The following HOOK3 variants were observed in gnomAD, a reference collection of about 807,000 sequenced individuals.
HOOK3 encodes the protein protein Hook homolog 3.
In HOOK3, 24 loss-of-function variants were observed where a neutral mutation model predicts 116.3. The ratio of observed to expected loss-of-function variants is 0.21; its 90% CI spans 0.15 to 0.29. The LOEUF (loss-of-function observed/expected upper bound fraction) is 0.29, where lower values mean the gene tolerates loss of function less well. Among genes scored for constraint, HOOK3 ranks in the 10% least tolerant of loss-of-function variants. The pLI is 1.00. For synonymous variants in HOOK3, 275 were observed against 283.0 expected (o/e 0.97, Z 0.28); for missense variants, 632 against 830.2 (o/e 0.76, Z 2.93).
chr8:43,021,181 G>A lies in HOOK3; in HGVS notation c.*2683G>A, dbSNP rs1232101531. 1.5e-5 allele frequency: 3 copies of A among 202,480 alleles called. No individual in the cohort carries two copies. The highest frequency in any genetic ancestry group is 7.0e-5 in the African/African-American group (3 of 42,556). 12.5% of individuals were successfully genotyped at this position (202,480 alleles called of 1,614,324 possible). On this transcript the variant is annotated 3_prime_UTR_variant, in exon 22 of 22. Transcript: ENST00000307602. The stretch of plus-strand genomic sequence containing the variant: ...ATGAATTTTGTTCTGTGAGATGAGA[G>A]GTTTTCATTTTCATTTTCTATTTAC...
chr8:42,969,590 A>G (rs912152100), intron 11 of HOOK3, among the ~76,000 whole-genome samples: 1 of 152,222 alleles, frequency 6.6e-6, no homozygotes, highest in Non-Finnish European at 1.5e-5. Context: ...GCACCACTGC[A>G]TTCCAGCTTT....
Position 43,018,612 on chromosome 8 carries a change from A to G in HOOK3, c.*114A>G, listed in dbSNP as rs895056036. ...TTTTTTGTTTCTCTTCTATGTCAAT[A>G]CTTAGTGTTTCTCATTTTGAGGACT... On this transcript the variant is annotated 3_prime_UTR_variant, in exon 22 of 22. Coordinates refer to ENST00000307602, the MANE Select transcript of HOOK3 (RefSeq NM_032410.4). 2.2e-5 allele frequency: 23 copies of G among 1,057,096 alleles called. No individual in the cohort carries two copies. The highest frequency in any genetic ancestry group is 2.6e-5 in the Non-Finnish European group (20 of 768,340). 65.5% of individuals were successfully genotyped at this position (1,057,096 alleles called of 1,614,324 possible).
Position 42,974,033 on chromosome 8 carries a change from G to A in HOOK3, c.1234-74G>A, listed in dbSNP as rs17622994. On this transcript the variant is annotated intron_variant, in intron 12 of 21. Transcript: ENST00000307602. Reference sequence around the variant, plus strand: ...TTCACTATTGTTTATCATTCTATTAGGTAAGGCAGAGGCCACTGATGAATA... The same window carrying A: ...TTCACTATTGTTTATCATTCTATTAAGTAAGGCAGAGGCCACTGATGAATA... 0.01 allele frequency: 10,149 copies of A among 999,580 alleles called. 74 individuals carry two copies. Among genetic ancestry groups the A allele is most frequent in the Non-Finnish European group, 0.014 (8,716 of 628,924 alleles). The allele number at this position is 999,580 out of a possible 1,614,324, so 61.9% of individuals were successfully genotyped here.
At chr8:42,939,823 G>T (rs1206653954) in intron 4 of HOOK3, among the ~76,000 whole-genome samples, 1 of 151,414 alleles carries the variant, frequency 6.6e-6, no homozygotes, top group Non-Finnish European at 1.5e-5. Flanking sequence ...GCCGGGCAGA[G>T]ACGCTCCTCA....
chr8:42,903,632 C>T (rs1206813854), intron 1 of HOOK3, among the ~76,000 whole-genome samples: 1 of 150,550 alleles, frequency 6.6e-6, no homozygotes, highest in Non-Finnish European at 1.5e-5. Context: ...CATGAGCCAC[C>T]GTGCCCGGCC....
At chr8:43,005,252 G>A (rs1232679914) in intron 17 of HOOK3, among the ~76,000 whole-genome samples, 2 of 112,714 alleles carry the variant, frequency 1.8e-5, no homozygotes, top group Non-Finnish European at 3.3e-5. Flanking sequence ...ACGGAGTCTC[G>A]CTCTGTCCCC....
At chr8:42,986,389 AG>A (rs1474036570) in intron 14 of HOOK3, among the ~76,000 whole-genome samples, 1 of 152,228 alleles carries the variant, frequency 6.6e-6, no homozygotes, top group Admixed American at 6.5e-5. Flanking sequence ...TATTTAAATC[AG>A]GGAAGAAATA....
chr8:42,902,934 C>T (rs570824733), intron 1 of HOOK3, among the ~76,000 whole-genome samples: 7 of 152,288 alleles, frequency 4.6e-5, no homozygotes, highest in African/African-American at 1.2e-4. Flanking sequence ...AACAAACCTA[C>T]AAGAAAGATT....
At chr8:42,939,268 G>A (rs1156953802) in intron 4 of HOOK3, among the ~76,000 whole-genome samples, 1 of 152,088 alleles carries the variant, frequency 6.6e-6, no homozygotes, top group Non-Finnish European at 1.5e-5. Context: ...CGGGAAGAGG[G>A]GCTCCTCACT....
chr8:42,932,627 GC>G (rs1236365916), intron 4 of HOOK3, among the ~76,000 whole-genome samples: 1 of 151,918 alleles, frequency 6.6e-6, no homozygotes, highest in African/African-American at 2.4e-5. Flanking sequence ...GTTACCTGTA[GC>G]CCCACATAGC....
Position 43,030,123 on chromosome 8 carries a change from TC to T in HOOK3, c.*11627del, listed in dbSNP as rs1266579413. 1.9e-5 allele frequency: 4 copies of T among 207,138 alleles called. No homozygotes were observed. The highest frequency in any genetic ancestry group is 9.1e-5 in the African/African-American group (4 of 43,894). 12.8% of individuals were successfully genotyped at this position (207,138 alleles called of 1,614,324 possible). On this transcript the variant is annotated 3_prime_UTR_variant, in exon 22 of 22. Transcript: ENST00000307602. ...GTACATAATGATGTCCAAGCATTTT[TC>T]CACCTGTTTACTGAGTTTTCCAACC...
intron 5 of HOOK3, 67 bp from the exon 6 acceptor site, chr8:42,950,321 A>G: frequency 1.0e-6 from 1 of 1,004,874 alleles, no homozygotes; most frequent in Non-Finnish European, 1.6e-6. Flanking sequence ...TTTATGAAGT[A>G]TGAGCCTTGA....
chr8:43,011,033 C>A (rs887242527), intron 19 of HOOK3, among the ~76,000 whole-genome samples: 1 of 151,668 alleles, frequency 6.6e-6, no homozygotes, highest in African/African-American at 2.4e-5. Context: ...CGCTCTGTCG[C>A]CCAGGCTGGA....
Position 43,027,954 on chromosome 8 carries a change from C to T in HOOK3, c.*9456C>T, listed in dbSNP as rs2130508612. Reference sequence around the variant, plus strand: ...GGACAAAATAAAGGCAGTGAAGTAACTTAAGACAACTCTGAGATTTTACCA... The same window carrying T: ...GGACAAAATAAAGGCAGTGAAGTAATTTAAGACAACTCTGAGATTTTACCA... On this transcript the variant is annotated 3_prime_UTR_variant, in exon 22 of 22. Transcript: ENST00000307602. 1.0e-5 allele frequency: 2 copies of T among 193,306 alleles called. No individual in the cohort carries two copies. Among genetic ancestry groups the T allele is most frequent in the East Asian group, 1.6e-4 (2 of 12,140 alleles). 12.0% of individuals were successfully genotyped at this position (193,306 alleles called of 1,614,324 possible). A position where few individuals can be genotyped will look rare whatever the true frequency, so the allele number is the denominator to read the frequency against.
chr8:43,018,288 T>C, intron 21 of HOOK3, 70 bp from the exon 22 acceptor site: 2 of 1,409,696 alleles, frequency 1.4e-6, no homozygotes, highest in Non-Finnish European at 1.9e-6. Context: ...TTCTGCATGA[T>C]GAAATTTTCT....
chr8:42,999,596 T>C (rs1809342009), intron 16 of HOOK3, among the ~76,000 whole-genome samples: 1 of 152,242 alleles, frequency 6.6e-6, no homozygotes, highest in Non-Finnish European at 1.5e-5. Context: ...TGGTCCCCTC[T>C]GGAGAAGAAC....
At chr8:42,963,080 G>A (rs1808566063) in intron 8 of HOOK3, among the ~76,000 whole-genome samples, 1 of 152,170 alleles carries the variant, frequency 6.6e-6, no homozygotes. Context: ...GGGATTACAG[G>A]TGTGAGCTGC....
intron 1 of HOOK3, among the ~76,000 whole-genome samples, chr8:42,904,332 C>T (rs778036669): frequency 1.1e-3 from 142 of 128,320 alleles, no homozygotes; most frequent in Middle Eastern, 4.9e-3. Flanking sequence ...TTTTTTGAGA[C>T]GGAGTCTCGC....
At chr8:42,961,577 A>G (rs1040130356) in intron 8 of HOOK3, among the ~76,000 whole-genome samples, 1 of 152,244 alleles carries the variant, frequency 6.6e-6, no homozygotes, top group Middle Eastern at 3.2e-3. Context: ...ATAATCAAAC[A>G]TGTCAGAGGA....
Sources: allele counts gnomAD v4.1 joint callset (sites outside exome capture counted in the v4.1 genomes callset), GRCh38; gene constraint gnomAD v4.1.1; transcripts MANE v1.5; gene names NCBI Gene and HGNC (gene_info 2026-07-23, HGNC 2026-07-21).